MICAL2: variants seen among roughly 807,000 people sequenced by gnomAD.
The protein encoded by MICAL2 is [F-actin]-monooxygenase MICAL2.
In MICAL2, 77 loss-of-function variants were observed where a neutral mutation model predicts 127.3. The observed-to-expected ratio is 0.60, with a 90% CI of 0.50 to 0.73. The LOEUF (loss-of-function observed/expected upper bound fraction) is 0.73, where lower values mean the gene tolerates loss of function less well. MICAL2 is among the 30% of genes least tolerant of loss of function. The pLI is 0.00. For synonymous variants in MICAL2, 570 were observed against 551.1 expected (o/e 1.03, Z -0.48); for missense variants, 1,351 against 1,434.4 (o/e 0.94, Z 0.94).
At chr11:12,317,697 C>T (rs1864246485) in intron 29 of MICAL2, among the ~76,000 whole-genome samples, 1 of 151,796 alleles carries the variant, frequency 6.6e-6, no homozygotes, top group Non-Finnish European at 1.5e-5. Context: ...GAGGCTGAGG[C>T]AGGAGAATCA....
chr11:12,126,743 C>T (rs1047791998), intron 1 of MICAL2, among the ~76,000 whole-genome samples: 1 of 150,492 alleles, frequency 6.6e-6, no homozygotes, highest in Non-Finnish European at 1.5e-5. Context: ...GAGATTTTCG[C>T]AACAGTTCAG....
intron 3 of MICAL2, among the ~76,000 whole-genome samples, chr11:12,165,391 T>C (rs1028391115): frequency 2.6e-5 from 4 of 152,194 alleles, no homozygotes; most frequent in Non-Finnish European, 5.9e-5. Context: ...TCACATACCA[T>C]GTTCAGGCAT....
At chr11:12,211,458 C>T (rs1459753971) in intron 6 of MICAL2, among the ~76,000 whole-genome samples, 1 of 152,178 alleles carries the variant, frequency 6.6e-6, no homozygotes, top group Non-Finnish European at 1.5e-5. Context: ...TGAGAATCAG[C>T]ATGAGGCTGG....
chr11:12,208,274 T>C lies in MICAL2; in HGVS notation c.589+135T>C, dbSNP rs573729996. The C allele has an allele frequency of 1.6e-5, 10 of 615,998 alleles. 1 individual carries two copies. The South Asian group carries it at 1.8e-4, about 11-fold the overall frequency. 38.2% of individuals were successfully genotyped at this position (615,998 alleles called of 1,614,324 possible). A position where few individuals can be genotyped will look rare whatever the true frequency, so the allele number is the denominator to read the frequency against. On this transcript the variant is annotated intron_variant, in intron 5 of 27. Coordinates refer to ENST00000683283, the MANE Select transcript of MICAL2 (RefSeq NM_001282663.2). Reference sequence around the variant, plus strand: ...GTTGGCATAATGCCACTGAAGGGTATTTTACTGTTTTTTTTTTACCATTGC... The same window carrying C: ...GTTGGCATAATGCCACTGAAGGGTACTTTACTGTTTTTTTTTTACCATTGC...
intron 34 of MICAL2, among the ~76,000 whole-genome samples, chr11:12,356,135 C>T (rs879333249): frequency 6.6e-6 from 1 of 152,092 alleles, no homozygotes; most frequent in African/African-American, 2.4e-5. Flanking sequence ...ACCTTTGATT[C>T]TTTTTAAAAA....
chr11:12,201,110 G>C (rs1860665519), intron 3 of MICAL2, among the ~76,000 whole-genome samples: 1 of 152,056 alleles, frequency 6.6e-6, no homozygotes, highest in Non-Finnish European at 1.5e-5. Context: ...ATAAAGAGCA[G>C]TGCTGGGCTT....
At chr11:12,359,295 A>G (rs1565315521), downstream of MICAL2, among the ~76,000 whole-genome samples, 1 of 151,616 alleles carries the variant, frequency 6.6e-6, no homozygotes, top group Non-Finnish European at 1.5e-5. Flanking sequence ...CAGAAAATGA[A>G]TGATTTTAAA....
At chr11:12,255,334 C>A in intron 22 of MICAL2, 1 of 359,460 alleles carries the variant, frequency 2.8e-6, no homozygotes. Flanking sequence ...GAACTCTGTA[C>A]CCACTAAACA....
intron 29 of MICAL2, among the ~76,000 whole-genome samples, chr11:12,299,190 G>T (rs925686478): frequency 6.6e-6 from 1 of 152,114 alleles, no homozygotes; most frequent in African/African-American, 2.4e-5. Context: ...GAAGAGTTTT[G>T]TGTTTCTTTC....
At chr11:12,270,913 G>A (rs897392036) in intron 24 of MICAL2, among the ~76,000 whole-genome samples, 2 of 152,184 alleles carry the variant, frequency 1.3e-5, no homozygotes, top group African/African-American at 4.8e-5. Context: ...GTAGAAAGCA[G>A]CAGCAATTTC....
chr11:12,160,517 C>A (rs537470694), intron 2 of MICAL2, among the ~76,000 whole-genome samples: 11 of 152,358 alleles, frequency 7.2e-5, no homozygotes, highest in African/African-American at 2.6e-4. Flanking sequence ...GAATCCTGAA[C>A]CTTGAACTTG....
At chr11:12,192,550 G>A (rs948769499) in intron 3 of MICAL2, among the ~76,000 whole-genome samples, 1 of 152,152 alleles carries the variant, frequency 6.6e-6, no homozygotes, top group Non-Finnish European at 1.5e-5. Flanking sequence ...GAGGCGGGCG[G>A]GTGAATCACT....
At chr11:12,351,591 G>A (rs566132706) in intron 33 of MICAL2, among the ~76,000 whole-genome samples, 2 of 152,170 alleles carry the variant, frequency 1.3e-5, no homozygotes, top group Admixed American at 6.5e-5. Context: ...GGCTGAGCCT[G>A]GGAGAGAAAG....
intron 1 of MICAL2, among the ~76,000 whole-genome samples, chr11:12,115,934 T>A (rs888784002): frequency 1.3e-5 from 2 of 151,970 alleles, no homozygotes; most frequent in African/African-American, 4.8e-5. Context: ...GATGAACATA[T>A]CCCGACTTTC....
chr11:12,207,118 C>T (rs972946218), intron 4 of MICAL2, among the ~76,000 whole-genome samples: 1 of 152,100 alleles, frequency 6.6e-6, no homozygotes, highest in Non-Finnish European at 1.5e-5. Flanking sequence ...ACCTTCACAG[C>T]CCTTCCTCTC....
At chr11:12,112,085 AG>A (rs1849654123) in intron 1 of MICAL2, among the ~76,000 whole-genome samples, 1 of 152,196 alleles carries the variant, frequency 6.6e-6, no homozygotes, top group South Asian at 2.1e-4. Flanking sequence ...ATGGGGAAAG[AG>A]GCTCAGGTAT....
At chr11:12,150,461 A>G (rs1002605056) in intron 2 of MICAL2, among the ~76,000 whole-genome samples, 2 of 152,054 alleles carry the variant, frequency 1.3e-5, no homozygotes, top group African/African-American at 2.4e-5. Context: ...AAATGCACAC[A>G]AAACATAGGG....
intron 1 of MICAL2, chr11:12,276,399 G>T (rs767259617): frequency 6.2e-5 from 23 of 370,600 alleles, no homozygotes; most frequent in Admixed American, 1.4e-4. Context: ...AGCACTGTAA[G>T]TGTTAGCAAT....
At chr11:12,342,319 C>T (rs1334853954) in intron 32 of MICAL2, among the ~76,000 whole-genome samples, 1 of 152,336 alleles carries the variant, frequency 6.6e-6, no homozygotes, top group South Asian at 2.1e-4. Flanking sequence ...ATAAGCAAAC[C>T]ATCGCATAGG....
Sources: gnomAD v4.1 joint callset for allele counts (sites outside exome capture counted in the v4.1 genomes callset) on GRCh38, gnomAD v4.1.1 for gene constraint, MANE v1.5 for transcripts, NCBI Gene and HGNC (gene_info 2026-07-23, HGNC 2026-07-21) for gene names.